The following RALY variants were observed in gnomAD, a reference collection of about 807,000 sequenced individuals.
RALY encodes RNA-binding protein Raly.
In RALY, 15 loss-of-function variants were observed where a neutral mutation model predicts 30.7. That is an observed-to-expected ratio of 0.49 (90% CI 0.33 to 0.75). The LOEUF (loss-of-function observed/expected upper bound fraction) is 0.75. RALY is among the 30% of genes least tolerant of loss of function. The pLI, the probability that RALY is intolerant of heterozygous loss-of-function variation, is 0.02. For missense variants in RALY, 339 were observed against 414.3 expected, an observed-to-expected ratio of 0.82 and a Z score of 1.58; for synonymous variants, 177 against 170.8, an observed-to-expected ratio of 1.04 and a Z score of -0.28.
intron 1 of RALY, among the ~76,000 whole-genome samples, chr20:34,004,994 A>G (rs2031094649): frequency 6.6e-6 from 1 of 152,218 alleles, no homozygotes; most frequent in Non-Finnish European, 1.5e-5. Flanking sequence ...TCTGTCAGCA[A>G]ATATTAGAAA....
chr20:33,994,401 C>T (rs1242282028), intron 1 of RALY: 1 of 152,400 alleles, frequency 6.6e-6, no homozygotes, highest in Non-Finnish European at 1.5e-5. Flanking sequence ...CGGGCCAAGT[C>T]TGGGCCAGTA....
intron 2 of RALY, among the ~76,000 whole-genome samples, chr20:34,058,254 C>T (rs922700673): frequency 2.6e-5 from 4 of 152,098 alleles, no homozygotes; most frequent in Admixed American, 2.6e-4. Context: ...TGTGAAGTTG[C>T]AGGGGTTCAT....
intron 2 of RALY, among the ~76,000 whole-genome samples, chr20:34,032,110 G>A (rs1422620961): frequency 6.6e-6 from 1 of 152,164 alleles, no homozygotes; most frequent in Non-Finnish European, 1.5e-5. Flanking sequence ...TTACAGGCAT[G>A]CACCGCCATG....
In RALY at chr20:34,076,054, T is replaced by TCATATTCCTA. The variant is rs2033868642; in HGVS notation, c.544+15_544+24dup. On this transcript the variant is annotated intron_variant, in intron 6 of 9. Coordinates refer to ENST00000246194, the MANE Select transcript of RALY (RefSeq NM_016732.3). ...CCAAGATCAAGTGTGAGTGACTGTA[T>TCATATTCCTA]CATATTCCTAAGTAATTTGCATTTT... is the stretch of plus-strand genomic sequence containing the variant. The TCATATTCCTA allele has an allele frequency of 3.1e-6, 5 of 1,597,772 alleles. No individual in the cohort carries two copies. Among genetic ancestry groups the TCATATTCCTA allele is most frequent in the African/African-American group, 1.3e-5 (1 of 74,504 alleles).
In RALY at chr20:34,053,383, A is replaced by ATTTTTTTTTTTTTT. The variant is rs60912814; in HGVS notation, c.-9-18664_-9-18651dup. On this transcript the variant is annotated intron_variant, in intron 2 of 9. Coordinates refer to ENST00000246194, the MANE Select transcript of RALY (RefSeq NM_016732.3). ...GCCAACATTTAGTAGATGTTCAATAATTTTTTTTTTTTTTTTTTTTTTTTT... is the reference window on the plus strand; with the variant it reads ...GCCAACATTTAGTAGATGTTCAATAATTTTTTTTTTTTTTTTTTTTTTTTTTTTTTTTTTTTTTT... Among the ~76,000 whole-genome samples the ATTTTTTTTTTTTTT allele has an allele frequency of 1.1e-3, 57 of 54,142 alleles. 12 individuals are homozygous for ATTTTTTTTTTTTTT. Among genetic ancestry groups the ATTTTTTTTTTTTTT allele is most frequent in the East Asian group, 3.6e-3 (5 of 1,400 alleles). 35.5% of individuals were successfully genotyped at this position (54,142 alleles called of 152,430 possible). A position where few individuals can be genotyped will look rare whatever the true frequency, so the allele number is the denominator to read the frequency against.
chr20:34,024,254 G>C (rs1044654129), intron 1 of RALY, among the ~76,000 whole-genome samples: 1 of 152,176 alleles, frequency 6.6e-6, no homozygotes, highest in East Asian at 1.9e-4. Flanking sequence ...TGGTGTGTTG[G>C]TTACTGATTA....
chr20:34,078,471 T>G, intron 8 of RALY, 34 bp from the exon 9 acceptor site: 1 of 1,538,712 alleles, frequency 6.5e-7, no homozygotes, highest in East Asian at 2.5e-5. Context: ...TGGCAATGAG[T>G]GATGTGTGGT....
At chr20:34,025,923 T>TG (rs2032015822) in intron 1 of RALY, among the ~76,000 whole-genome samples, 1 of 126,430 alleles carries the variant, frequency 7.9e-6, no homozygotes, top group Admixed American at 8.2e-5. Context: ...TTTTTTTTTG[T>TG]GGGGGGTGGG....
intron 2 of RALY, among the ~76,000 whole-genome samples, chr20:34,046,002 G>C (rs2032867922): frequency 6.6e-6 from 1 of 152,152 alleles, no homozygotes; most frequent in Non-Finnish European, 1.5e-5. Context: ...ATTGACACAA[G>C]CAGCTAGCAG....
intron 1 of RALY, among the ~76,000 whole-genome samples, chr20:33,994,640 A>C (rs1399241687): frequency 6.6e-6 from 1 of 151,696 alleles, no homozygotes; most frequent in Non-Finnish European, 1.5e-5. Context: ...GGCTCTTTGC[A>C]CGCCTTGGGC....
chr20:34,051,130 C>T (rs2033064722), intron 2 of RALY, among the ~76,000 whole-genome samples: 3 of 152,190 alleles, frequency 2.0e-5, no homozygotes, highest in Admixed American at 6.5e-5. Context: ...ATATTCACAT[C>T]TTTATATATT....
At chr20:34,040,230 G>C (rs1331710099) in intron 2 of RALY, among the ~76,000 whole-genome samples, 1 of 152,126 alleles carries the variant, frequency 6.6e-6, no homozygotes, top group Non-Finnish European at 1.5e-5. Flanking sequence ...GTTCACACCC[G>C]AATCCAGATC....
intron 2 of RALY, among the ~76,000 whole-genome samples, chr20:34,039,321 T>G (rs2032612028): frequency 6.6e-6 from 1 of 152,200 alleles, no homozygotes. Flanking sequence ...GGTTGGAAAC[T>G]GAGTAGCTAG....
chr20:33,997,500 T>C (rs1474574917), intron 1 of RALY, among the ~76,000 whole-genome samples: 1 of 152,042 alleles, frequency 6.6e-6, no homozygotes, highest in Non-Finnish European at 1.5e-5. Flanking sequence ...GGTTTGGGGA[T>C]ATTGGGCTGC....
chr20:34,002,371 G>A (rs1003035518), intron 1 of RALY, among the ~76,000 whole-genome samples: 2 of 152,084 alleles, frequency 1.3e-5, no homozygotes, highest in African/African-American at 2.4e-5. Flanking sequence ...TCAACCATTC[G>A]TTCCAGGAAT....
intron 1 of RALY, among the ~76,000 whole-genome samples, chr20:34,009,648 G>A (rs993279166): frequency 1.3e-5 from 2 of 152,172 alleles, no homozygotes; most frequent in African/African-American, 4.8e-5. Flanking sequence ...ACTCTTTGGA[G>A]CTTCGGCCAA....
At chr20:34,053,042 CTT>C (rs34604270) in intron 2 of RALY, among the ~76,000 whole-genome samples, 1 of 146,200 alleles carries the variant, frequency 6.8e-6, no homozygotes, top group Non-Finnish European at 1.5e-5. Context: ...TAAAAAGAAA[CTT>C]TTTTTTTTTT....
intron 1 of RALY, among the ~76,000 whole-genome samples, chr20:34,015,892 C>G (rs935315509): frequency 1.3e-5 from 2 of 152,142 alleles, no homozygotes; most frequent in East Asian, 1.9e-4. Context: ...GTCCTCTCTT[C>G]TATACACAAA....
chr20:34,038,847 A>G (rs1161628832), intron 2 of RALY, among the ~76,000 whole-genome samples: 2 of 152,198 alleles, frequency 1.3e-5, no homozygotes, highest in Non-Finnish European at 1.5e-5. Context: ...TGAAGAAAAT[A>G]CCTGGCCTGG....
Sources: gnomAD v4.1 joint callset for allele counts (sites outside exome capture counted in the v4.1 genomes callset) on GRCh38, gnomAD v4.1.1 for gene constraint, MANE v1.5 for transcripts, NCBI Gene and HGNC (gene_info 2026-07-23, HGNC 2026-07-21) for gene names.